The following LEF1 variants were observed in gnomAD, a reference collection of about 807,000 sequenced individuals.
LEF1 encodes lymphoid enhancer binding factor 1.
In LEF1, 14 loss-of-function variants were observed where a neutral mutation model predicts 51.2. The ratio of observed to expected loss-of-function variants is 0.27; its 90% CI spans 0.18 to 0.43. LEF1 has a LOEUF of 0.43. Among genes scored for constraint, LEF1 ranks in the 20% least tolerant of loss-of-function variants. The probability of loss-of-function intolerance (pLI) is 1.00; values close to 1 mark genes in which losing one functional copy is unlikely to be tolerated. For missense variants in LEF1, 386 were observed against 512.0 expected (o/e 0.75, Z 2.37); for synonymous variants, 185 against 183.2 (o/e 1.01, Z -0.08).
chr4:108,137,714 T>A (rs1215999359), intron 3 of LEF1, among the ~76,000 whole-genome samples: 1 of 152,174 alleles, frequency 6.6e-6, no homozygotes, highest in South Asian at 2.1e-4. Context: ...AAATTTTAGA[T>A]CCTAATTTAT....
intron 9 of LEF1, 60 bp from the exon 10 acceptor site, chr4:108,064,444 G>A: frequency 1.5e-6 from 2 of 1,310,832 alleles, no homozygotes; most frequent in Non-Finnish European, 1.1e-6. Context: ...ACAGATGAAT[G>A]TGATGTGGAA....
intron 3 of LEF1, among the ~76,000 whole-genome samples, chr4:108,154,096 G>A (rs1345327904): frequency 6.6e-6 from 1 of 151,974 alleles, no homozygotes; most frequent in Non-Finnish European, 1.5e-5. Flanking sequence ...AACATGTATT[G>A]CTTTTTAAAT....
rs190185972 is a variant in LEF1, at chr4:108,066,134, C to G, written c.1117-1750G>C. Reference sequence around the variant, plus strand: ...GCCAGGCTGGCCTTGAACTCCTGACCTCAAGTAATCCGCCCCTATAAGTGG... The same window carrying G: ...GCCAGGCTGGCCTTGAACTCCTGACGTCAAGTAATCCGCCCCTATAAGTGG... On this transcript the variant is annotated intron_variant, in intron 9 of 11. Transcript: ENST00000265165. 7.5e-3 allele frequency among the ~76,000 whole-genome samples: 1,136 copies of G among 152,274 alleles called. 6 individuals carry two copies. The highest frequency in any genetic ancestry group is 0.012 in the Non-Finnish European group (843 of 68,016).
intron 3 of LEF1, among the ~76,000 whole-genome samples, chr4:108,154,706 G>C (rs1275311454): frequency 6.6e-6 from 1 of 152,090 alleles, no homozygotes; most frequent in Non-Finnish European, 1.5e-5. Flanking sequence ...ATATATTTGA[G>C]ATAAGATTTC....
chr4:108,058,125 C>A (rs920070116), intron 11 of LEF1, among the ~76,000 whole-genome samples: 8 of 152,140 alleles, frequency 5.3e-5, no homozygotes, highest in African/African-American at 1.9e-4. Context: ...CTGCCCACCT[C>A]TGCCTCCCAA....
chr4:108,127,030 T>C (rs115482055), intron 3 of LEF1, among the ~76,000 whole-genome samples: 4 of 152,246 alleles, frequency 2.6e-5, no homozygotes, highest in Non-Finnish European at 5.9e-5. Context: ...AGTCATCGAC[T>C]AAATACTACA....
intron 3 of LEF1, among the ~76,000 whole-genome samples, chr4:108,115,719 T>C (rs1741791324): frequency 1.3e-5 from 2 of 152,164 alleles, no homozygotes; most frequent in African/African-American, 2.4e-5. Flanking sequence ...TGTTGAAAGA[T>C]ACACTGAAGC....
chr4:108,141,620 T>A (rs1743662404), intron 3 of LEF1, among the ~76,000 whole-genome samples: 1 of 152,150 alleles, frequency 6.6e-6, no homozygotes, highest in South Asian at 2.1e-4. Context: ...AGTCTCTCCA[T>A]CTAGGAGGAG....
intron 3 of LEF1, among the ~76,000 whole-genome samples, chr4:108,126,058 A>G (rs141032552): frequency 1.8e-4 from 28 of 152,302 alleles, no homozygotes; most frequent in Middle Eastern, 3.4e-3. Flanking sequence ...ATTTCAGGAA[A>G]TAGTCCTATT....
chr4:108,070,821 A>T, intron 8 of LEF1, 51 bp from the exon 9 acceptor site: 1 of 1,196,656 alleles, frequency 8.4e-7, no homozygotes, highest in Non-Finnish European at 1.2e-6. Flanking sequence ...AAATAGCAAT[A>T]GCATATTTTA....
At chr4:108,153,996 A>G (rs1183821285) in intron 3 of LEF1, among the ~76,000 whole-genome samples, 1 of 152,244 alleles carries the variant, frequency 6.6e-6, no homozygotes, top group Admixed American at 6.5e-5. Flanking sequence ...AAGGCCACAC[A>G]GAAAAAGTGA....
chr4:108,051,506 C>T (rs1001274562), intron 11 of LEF1, among the ~76,000 whole-genome samples: 8 of 152,176 alleles, frequency 5.3e-5, no homozygotes, highest in African/African-American at 1.7e-4. Context: ...TGGGGGGCTG[C>T]GGCTGAAGCT....
intron 3 of LEF1, among the ~76,000 whole-genome samples, chr4:108,137,174 A>G (rs1474296573): frequency 1.3e-5 from 2 of 152,240 alleles, no homozygotes; most frequent in African/African-American, 4.8e-5. Flanking sequence ...ACAAAACATC[A>G]CAAATCATCA....
intron 3 of LEF1, among the ~76,000 whole-genome samples, chr4:108,099,550 GTGTGTATGTGTGTGTGTGTGTATATATA>G (rs1740623808): frequency 2.2e-5 from 1 of 44,742 alleles, no homozygotes; most frequent in African/African-American, 5.4e-5. Flanking sequence ...ATATGTGTGT[GTGTGTATGTGTGTGTGTGTGTATATATA>G]TATATATATA....
At chr4:108,146,581 G>A (rs1744010021) in intron 3 of LEF1, among the ~76,000 whole-genome samples, 1 of 152,218 alleles carries the variant, frequency 6.6e-6, no homozygotes. Context: ...GATGCTTTCA[G>A]TACAGGTTGA....
intron 3 of LEF1, among the ~76,000 whole-genome samples, chr4:108,153,380 A>T (rs1744477259): frequency 6.6e-6 from 1 of 152,208 alleles, no homozygotes; most frequent in Non-Finnish European, 1.5e-5. Context: ...TCTCCAATGT[A>T]GCCTTATTGA....
chr4:108,121,942 A>G (rs1410431577), intron 3 of LEF1, among the ~76,000 whole-genome samples: 2 of 152,230 alleles, frequency 1.3e-5, no homozygotes, highest in Non-Finnish European at 2.9e-5. Flanking sequence ...ATTGATAAAT[A>G]AGGGTTTTTC....
chr4:108,060,926 G>T (rs570876399), intron 11 of LEF1, among the ~76,000 whole-genome samples: 1 of 152,208 alleles, frequency 6.6e-6, no homozygotes, highest in South Asian at 2.1e-4. Flanking sequence ...CAAACAGAAT[G>T]TTTCTGAATT....
intron 3 of LEF1, among the ~76,000 whole-genome samples, chr4:108,154,501 A>C (rs1744567525): frequency 1.3e-5 from 2 of 151,998 alleles, no homozygotes; most frequent in African/African-American, 2.4e-5. Flanking sequence ...AGCAAAAAAA[A>C]ACCAAAAAAC....
Sources: gnomAD v4.1 joint callset for allele counts (sites outside exome capture counted in the v4.1 genomes callset) on GRCh38, gnomAD v4.1.1 for gene constraint, MANE v1.5 for transcripts, NCBI Gene and HGNC (gene_info 2026-07-23, HGNC 2026-07-21) for gene names.